CTNNA3: variants seen among roughly 807,000 people sequenced by gnomAD.
The protein encoded by CTNNA3 is catenin alpha 3, also known as catenin alpha-3.
CTNNA3 carries 76 observed loss-of-function variants against 95.7 expected under a neutral mutation model. The ratio of observed to expected loss-of-function variants is 0.79; its 90% CI spans 0.66 to 0.96. The LOEUF (loss-of-function observed/expected upper bound fraction) is 0.96, where lower values mean the gene tolerates loss of function less well. Ranked by LOEUF, CTNNA3 falls within the 40% of genes least tolerant of loss-of-function variation. CTNNA3 has a pLI of 0.00. For synonymous variants in CTNNA3, 431 were observed against 374.4 expected (o/e 1.15, Z -1.74); for missense variants, 1,191 against 1,089.8 (o/e 1.09, Z -1.31).
chr10:67,360,812 C>A (rs1282106223), intron 5 of CTNNA3, among the ~76,000 whole-genome samples: 1 of 151,968 alleles, frequency 6.6e-6, no homozygotes, highest in Non-Finnish European at 1.5e-5. Flanking sequence ...GGTACTAAAC[C>A]ATTCATGAGA....
At chr10:66,017,633 T>G (rs761231448) in intron 15 of CTNNA3, among the ~76,000 whole-genome samples, 1 of 152,118 alleles carries the variant, frequency 6.6e-6, no homozygotes, top group Non-Finnish European at 1.5e-5. Flanking sequence ...TTCCAGAGAC[T>G]AAAGAACCTC....
chr10:66,690,049 G>T (rs1025002326), intron 9 of CTNNA3, among the ~76,000 whole-genome samples: 3 of 152,096 alleles, frequency 2.0e-5, no homozygotes, highest in African/African-American at 7.2e-5. Flanking sequence ...TGAGTATTAG[G>T]CCCAGAGAAA....
chr10:67,060,246 A>G (rs1049140483), intron 7 of CTNNA3, among the ~76,000 whole-genome samples: 3 of 152,102 alleles, frequency 2.0e-5, no homozygotes, highest in African/African-American at 7.2e-5. Context: ...TGGGCCTGGG[A>G]GGTAGAGGCT....
intron 5 of CTNNA3, among the ~76,000 whole-genome samples, chr10:67,383,848 T>A (rs897992955): frequency 6.6e-6 from 1 of 152,216 alleles, no homozygotes; most frequent in African/African-American, 2.4e-5. Context: ...TTGATGTAGG[T>A]AACAGAGAAG....
intron 17 of CTNNA3, among the ~76,000 whole-genome samples, chr10:65,946,171 A>AT (rs1165127475): frequency 6.6e-6 from 1 of 152,012 alleles, no homozygotes; most frequent in Non-Finnish European, 1.5e-5. Context: ...TCCATGGAGG[A>AT]TTTTTTGGTA....
At chr10:67,743,109 T>A (rs943533890) in intron 1 of CTNNA3, among the ~76,000 whole-genome samples, 2 of 151,118 alleles carry the variant, frequency 1.3e-5, no homozygotes, top group African/African-American at 4.8e-5. Context: ...CTGAAACTAT[T>A]CCAATCAATA....
intron 5 of CTNNA3, among the ~76,000 whole-genome samples, chr10:67,477,110 T>A (rs1848043470): frequency 6.6e-6 from 1 of 152,032 alleles, no homozygotes; most frequent in Non-Finnish European, 1.5e-5. Flanking sequence ...CCCTTTACAC[T>A]CCACACCCAG....
intron 11 of CTNNA3, among the ~76,000 whole-genome samples, chr10:66,427,475 T>C (rs1564952187): frequency 6.6e-6 from 1 of 152,068 alleles, no homozygotes; most frequent in Admixed American, 6.6e-5. Flanking sequence ...AACTATACAG[T>C]AGGCACTGAA....
At chr10:66,482,594 A>T (rs1839577125) in intron 11 of CTNNA3, among the ~76,000 whole-genome samples, 1 of 152,130 alleles carries the variant, frequency 6.6e-6, no homozygotes. Flanking sequence ...TGTACAAAGT[A>T]TGCACTAACA....
chr10:66,993,663 T>C (rs1851161553), intron 7 of CTNNA3, among the ~76,000 whole-genome samples: 1 of 148,884 alleles, frequency 6.7e-6, no homozygotes, highest in Non-Finnish European at 1.5e-5. Flanking sequence ...ATTGAGTACC[T>C]ACTATGCTCT....
At chr10:66,004,744 A>G (rs2078844805) in intron 15 of CTNNA3, among the ~76,000 whole-genome samples, 1 of 152,166 alleles carries the variant, frequency 6.6e-6, no homozygotes, top group Admixed American at 6.5e-5. Context: ...GCATCACCCT[A>G]AGGAGAAAAC....
chr10:66,050,594 G>A (rs1419111364), intron 15 of CTNNA3, among the ~76,000 whole-genome samples: 2 of 152,044 alleles, frequency 1.3e-5, no homozygotes, highest in African/African-American at 4.8e-5. Flanking sequence ...ACTATGTCCG[G>A]CTCCTTAGAT....
At chr10:66,331,280 C>T (rs2092324883) in intron 12 of CTNNA3, among the ~76,000 whole-genome samples, 1 of 146,690 alleles carries the variant, frequency 6.8e-6, no homozygotes, top group Non-Finnish European at 1.5e-5. Context: ...TAGCTTTCTA[C>T]ATATGGCTAG....
chr10:66,766,427 A>G lies in CTNNA3; in HGVS notation c.1129-11T>C. The G allele has an allele frequency of 3.1e-6, 5 of 1,590,452 alleles. No homozygotes were observed. The highest frequency in any genetic ancestry group is 4.3e-6 in the Non-Finnish European group (5 of 1,167,560). The stretch of plus-strand genomic sequence containing the variant: ...AATAGCCTTGCGGAGCTGAGAAGAA[A>G]TGAAAAATTCAGGTTTTTTTTTTCC... On this transcript the variant is annotated splice_polypyrimidine_tract_variant and intron_variant, in intron 8 of 17. Transcript: ENST00000433211.
chr10:67,060,917 G>A (rs1855722983), intron 7 of CTNNA3, among the ~76,000 whole-genome samples: 1 of 152,100 alleles, frequency 6.6e-6, no homozygotes, highest in South Asian at 2.1e-4. Flanking sequence ...GCATAGACTA[G>A]CCTATCTTGA....
chr10:67,589,983 AT>A (rs1360454799), intron 3 of CTNNA3, among the ~76,000 whole-genome samples: 1 of 152,148 alleles, frequency 6.6e-6, no homozygotes, highest in Admixed American at 6.6e-5. Context: ...TGCTAAAAAA[AT>A]CTCAAAGTCA....
chr10:66,661,430 A>G (rs1353114389), intron 9 of CTNNA3, among the ~76,000 whole-genome samples: 1 of 152,116 alleles, frequency 6.6e-6, no homozygotes, highest in Non-Finnish European at 1.5e-5. Flanking sequence ...CTCCCACAAC[A>G]CGTGGGGATT....
intron 1 of CTNNA3, among the ~76,000 whole-genome samples, chr10:67,679,408 A>G (rs368416356): frequency 1.3e-5 from 2 of 152,204 alleles, no homozygotes; most frequent in African/African-American, 4.8e-5. Context: ...AAACATGCAC[A>G]TATTATCACA....
chr10:66,223,419 T>C (rs1196063827), intron 13 of CTNNA3, among the ~76,000 whole-genome samples: 1 of 152,298 alleles, frequency 6.6e-6, no homozygotes, highest in Non-Finnish European at 1.5e-5. Flanking sequence ...AACTAATTCA[T>C]GTGTTTCTTT....
Sources: gnomAD v4.1 joint callset for allele counts (sites outside exome capture counted in the v4.1 genomes callset) on GRCh38, gnomAD v4.1.1 for gene constraint, MANE v1.5 for transcripts, NCBI Gene and HGNC (gene_info 2026-07-23, HGNC 2026-07-21) for gene names.